PCDH15: variants seen among roughly 807,000 people sequenced by gnomAD.
PCDH15 encodes protocadherin-15.
PCDH15 carries 129 observed loss-of-function variants against 178.5 expected under a neutral mutation model. The ratio of observed to expected loss-of-function variants is 0.72; its 90% CI spans 0.63 to 0.84. The LOEUF (loss-of-function observed/expected upper bound fraction) is 0.84. Ranked by LOEUF, PCDH15 falls within the 40% of genes least tolerant of loss-of-function variation. The probability of loss-of-function intolerance (pLI) is 0.00; values close to 1 mark genes in which losing one functional copy is unlikely to be tolerated. For missense variants in PCDH15, 2,230 were observed against 2,099.9 expected (o/e 1.06, Z -1.21); for synonymous variants, 800 against 732.0 (o/e 1.09, Z -1.50).
At chr10:54,404,867 C>T (rs527524379) in intron 3 of PCDH15, among the ~76,000 whole-genome samples, 4 of 152,176 alleles carry the variant, frequency 2.6e-5, no homozygotes, top group African/African-American at 9.6e-5. Context: ...ACAAAACATA[C>T]ATATGAGCAA....
chr10:54,135,624 T>C (rs1166433630), intron 14 of PCDH15, among the ~76,000 whole-genome samples: 1 of 152,194 alleles, frequency 6.6e-6, no homozygotes, highest in Non-Finnish European at 1.5e-5. Context: ...CTTGGCTTCT[T>C]TTAGGGTCTG....
intron 2 of PCDH15, among the ~76,000 whole-genome samples, chr10:54,618,500 T>G (rs532222320): frequency 6.6e-6 from 1 of 152,214 alleles, no homozygotes; most frequent in South Asian, 2.1e-4. Flanking sequence ...AATAAGAACA[T>G]GCAAGTAGCT....
intron 2 of PCDH15, chr10:54,600,189 C>A (rs1326981637): frequency 1.6e-6 from 1 of 636,972 alleles, no homozygotes. Context: ...TCACCATTAC[C>A]AAATTGGTAA....
intron 29 of PCDH15, among the ~76,000 whole-genome samples, chr10:53,832,805 A>AT (rs1181859363): frequency 6.6e-6 from 1 of 152,140 alleles, no homozygotes; most frequent in East Asian, 1.9e-4. Context: ...GACCATGCTG[A>AT]TTTTAAATCC....
intron 1 of PCDH15, among the ~76,000 whole-genome samples, chr10:54,714,739 G>C (rs191849579): frequency 1.3e-5 from 2 of 152,172 alleles, no homozygotes. Flanking sequence ...CCATCCATTT[G>C]ATATATTTTC....
At chr10:54,801,556 A>G (rs994974943), upstream of PCDH15, among the ~76,000 whole-genome samples, 5 of 152,198 alleles carry the variant, frequency 3.3e-5, no homozygotes, top group African/African-American at 9.7e-5. Flanking sequence ...TAAGAAGTTT[A>G]GCAGCTTACA....
At chr10:54,613,267 G>T (rs1565745035) in intron 2 of PCDH15, among the ~76,000 whole-genome samples, 1 of 151,732 alleles carries the variant, frequency 6.6e-6, no homozygotes, top group Non-Finnish European at 1.5e-5. Context: ...TGAAGAGAAA[G>T]AAACTTTATC....
At chr10:54,313,114 G>A (rs2061007900) in intron 8 of PCDH15, among the ~76,000 whole-genome samples, 1 of 151,972 alleles carries the variant, frequency 6.6e-6, no homozygotes, top group Admixed American at 6.6e-5. Flanking sequence ...AAATAAAAGA[G>A]TAATTGTTCA....
intron 2 of PCDH15, among the ~76,000 whole-genome samples, chr10:55,354,348 T>C (rs1845018977): frequency 6.6e-6 from 1 of 152,010 alleles, no homozygotes; most frequent in Non-Finnish European, 1.5e-5. Flanking sequence ...AGCTTAATAA[T>C]GAGAATTCCG....
chr10:55,083,771 A>T (rs1842099202), intron 2 of PCDH15, among the ~76,000 whole-genome samples: 1 of 151,952 alleles, frequency 6.6e-6, no homozygotes, highest in South Asian at 2.1e-4. Flanking sequence ...CTACATGAAA[A>T]CAGCAAACAA....
At chr10:55,574,795 A>G (rs1344605174) in intron 2 of PCDH15, among the ~76,000 whole-genome samples, 7 of 152,112 alleles carry the variant, frequency 4.6e-5, no homozygotes, top group South Asian at 2.1e-4. Flanking sequence ...TGAAAACTCT[A>G]TGAGGGTGGA....
chr10:55,562,233 A>C (rs980370262), intron 2 of PCDH15, among the ~76,000 whole-genome samples: 8 of 152,008 alleles, frequency 5.3e-5, no homozygotes, highest in African/African-American at 1.9e-4. Context: ...TTTATATTGG[A>C]ATACCATTGT....
At chr10:54,731,586 A>ACT in intron 1 of PCDH15, among the ~76,000 whole-genome samples, 1 of 139,100 alleles carries the variant, frequency 7.2e-6, no homozygotes, top group Admixed American at 7.1e-5. Flanking sequence ...ACACACACAC[A>ACT]CACACACATA....
chr10:54,017,191 T>C (rs965855864), intron 20 of PCDH15, among the ~76,000 whole-genome samples: 4 of 151,598 alleles, frequency 2.6e-5, no homozygotes, highest in Middle Eastern at 3.2e-3. Context: ...GCCCAGCTAA[T>C]TTTTTGTATT....
At chr10:54,440,110 T>C (rs2075705756) in intron 3 of PCDH15, among the ~76,000 whole-genome samples, 2 of 152,002 alleles carry the variant, frequency 1.3e-5, no homozygotes, top group Non-Finnish European at 1.5e-5. Flanking sequence ...ATTGACTATC[T>C]ACTGTTTATT....
intron 2 of PCDH15, among the ~76,000 whole-genome samples, chr10:55,068,580 AT>A (rs977025874): frequency 7.2e-5 from 11 of 151,888 alleles, no homozygotes; most frequent in Non-Finnish European, 1.0e-4. Flanking sequence ...TCTTCTGGAT[AT>A]TTTTTTGTTT....
chr10:54,421,816 GTATATATA>G (rs71185272), intron 3 of PCDH15, among the ~76,000 whole-genome samples: 1 of 107,990 alleles, frequency 9.3e-6, no homozygotes, highest in Non-Finnish European at 1.8e-5. Context: ...TGTAGTGTGT[GTATATATA>G]TATATATATA....
intron 1 of PCDH15, among the ~76,000 whole-genome samples, chr10:54,734,674 G>T (rs1555173749): frequency 1.3e-5 from 2 of 151,836 alleles, no homozygotes; most frequent in Non-Finnish European, 2.9e-5. Flanking sequence ...CTAATAAAAA[G>T]AAAAATGAGC....
At chr10:54,355,841 C>A (rs1162547639) in intron 5 of PCDH15, among the ~76,000 whole-genome samples, 1 of 151,980 alleles carries the variant, frequency 6.6e-6, no homozygotes, top group African/African-American at 2.4e-5. Context: ...CATTAGTAAT[C>A]AAATCTCTAT....
Sources: allele counts gnomAD v4.1 joint callset (sites outside exome capture counted in the v4.1 genomes callset), GRCh38; gene constraint gnomAD v4.1.1; transcripts MANE v1.5; gene names NCBI Gene and HGNC (gene_info 2026-07-23, HGNC 2026-07-21).